Variants in SIPA1L2 observed in about 807,000 individuals in gnomAD.
SIPA1L2 encodes signal-induced proliferation-associated 1-like protein 2.
SIPA1L2 carries 56 observed loss-of-function variants against 163.9 expected under a neutral mutation model. The observed-to-expected ratio is 0.34, with a 90% CI of 0.28 to 0.43. SIPA1L2 has a LOEUF of 0.43. Among genes scored for constraint, SIPA1L2 ranks in the 20% least tolerant of loss-of-function variants. The pLI is 1.00. For synonymous variants in SIPA1L2, 877 were observed against 865.7 expected (o/e 1.01, Z -0.23); for missense variants, 1,974 against 2,193.5 (o/e 0.90, Z 2.00).
chr1:232,487,420 T>C (rs1261467229), intron 5 of SIPA1L2, among the ~76,000 whole-genome samples: 1 of 152,186 alleles, frequency 6.6e-6, no homozygotes, highest in Non-Finnish European at 1.5e-5. Flanking sequence ...GAAACAAATC[T>C]GATATTTGAG....
At chr1:232,621,433 T>C (rs1381250739) in intron 1 of SIPA1L2, among the ~76,000 whole-genome samples, 1 of 152,156 alleles carries the variant, frequency 6.6e-6, no homozygotes, top group Non-Finnish European at 1.5e-5. Flanking sequence ...AAACCTACCA[T>C]ACCTTACAAG....
intron 2 of SIPA1L2, among the ~76,000 whole-genome samples, chr1:232,556,508 C>T (rs774124305): frequency 7.2e-5 from 11 of 152,094 alleles, no homozygotes; most frequent in Non-Finnish European, 1.3e-4. Context: ...ACAAAATCCA[C>T]GCAATTCAAA....
At chr1:232,581,793 T>C (rs1386402024) in intron 1 of SIPA1L2, among the ~76,000 whole-genome samples, 1 of 152,188 alleles carries the variant, frequency 6.6e-6, no homozygotes, top group African/African-American at 2.4e-5. Flanking sequence ...CCTCTGTCCC[T>C]TCTATCAAGA....
intron 14 of SIPA1L2, 116 bp downstream of exon 14, chr1:232,441,175 G>A (rs1446606983): frequency 1.4e-6 from 1 of 724,482 alleles, no homozygotes; most frequent in Non-Finnish European, 2.2e-6. Context: ...TCACCTCTAA[G>A]AGCCCTGTGA....
intron 6 of SIPA1L2, among the ~76,000 whole-genome samples, chr1:232,483,352 C>T (rs757254593): frequency 1.1e-4 from 16 of 151,850 alleles, no homozygotes; most frequent in Non-Finnish European, 1.6e-4. Context: ...TGTTCCACCT[C>T]CCTGGTTAAC....
chr1:232,415,465 G>T, intron 19 of SIPA1L2, 29 bp downstream of exon 19: 1 of 1,586,778 alleles, frequency 6.3e-7, no homozygotes, highest in Middle Eastern at 1.8e-4. Flanking sequence ...CAGGGTAAGG[G>T]GTGAGGCCAG....
At chr1:232,442,201 C>T (rs1003345774) in intron 12 of SIPA1L2, among the ~76,000 whole-genome samples, 13 of 151,464 alleles carry the variant, frequency 8.6e-5, no homozygotes. Flanking sequence ...CGCATTTTTA[C>T]GTTACGCTTA....
At chr1:232,605,772 A>C (rs1338331214) in intron 1 of SIPA1L2, among the ~76,000 whole-genome samples, 1 of 152,224 alleles carries the variant, frequency 6.6e-6, no homozygotes. Flanking sequence ...CACTAAAATT[A>C]TACTGGCTTG....
At chr1:232,554,784 T>G (rs1256897011) in intron 2 of SIPA1L2, among the ~76,000 whole-genome samples, 1 of 152,244 alleles carries the variant, frequency 6.6e-6, no homozygotes, top group Non-Finnish European at 1.5e-5. Context: ...CGGAGTTTCT[T>G]GGTTTAATTT....
At chr1:232,438,131 T>C (rs1366807196) in intron 15 of SIPA1L2, among the ~76,000 whole-genome samples, 1 of 152,078 alleles carries the variant, frequency 6.6e-6, no homozygotes, top group Non-Finnish European at 1.5e-5. Flanking sequence ...GGGGGGACTT[T>C]GAAGGGGAGC....
At chr1:232,581,668 C>G (rs951464640) in intron 1 of SIPA1L2, among the ~76,000 whole-genome samples, 5 of 152,078 alleles carry the variant, frequency 3.3e-5, no homozygotes, top group Admixed American at 3.3e-4. Context: ...TCAAAATAAC[C>G]TTCAAATAAT....
intron 7 of SIPA1L2, 62 bp from the exon 8 acceptor site, chr1:232,471,590 A>T: frequency 7.6e-7 from 1 of 1,319,414 alleles, no homozygotes; most frequent in Non-Finnish European, 1.0e-6. Context: ...TATATATATA[A>T]TTCACTCATC....
chr1:232,517,988 G>A (rs2025726), intron 2 of SIPA1L2, among the ~76,000 whole-genome samples: 130,568 of 152,206 alleles, frequency 0.86, 56,845 homozygotes, highest in Non-Finnish European at 0.93. Flanking sequence ...TAGAGGTAGC[G>A]GTGAGCTATG....
At chr1:232,530,481 A>G (rs1390047385) in intron 2 of SIPA1L2, among the ~76,000 whole-genome samples, 1 of 152,124 alleles carries the variant, frequency 6.6e-6, no homozygotes, top group African/African-American at 2.4e-5. Flanking sequence ...CTTTAAGCAC[A>G]TGCCTGAGGC....
At position 232,515,329 on chromosome 1, in the gene SIPA1L2, G is replaced by A; in HGVS notation, c.11C>T (p.Pro4Leu). MSD[P>L]RQSQEEKHKL... ...GTGCTTCTCTTCTTGTGACTGCCTTGGGTCACTCATGTCTACCGAGGAAGA... is the reference window on the plus strand; with the variant it reads ...GTGCTTCTCTTCTTGTGACTGCCTTAGGTCACTCATGTCTACCGAGGAAGA... Residue 4 changes from proline (P) to leucine (L), a missense_variant, in exon 3 of 23, where the codon CCA becomes CTA. By Grantham distance (98) the Pro-to-Leu change is moderately conservative (BLOSUM62 -3). Coordinates refer to ENST00000674635, the MANE Select transcript of SIPA1L2 (RefSeq NM_020808.5). The A allele has an allele frequency of 6.3e-7, 1 of 1,593,494 alleles. No individual in the cohort carries two copies. The highest frequency in any genetic ancestry group is 8.6e-7 in the Non-Finnish European group (1 of 1,168,888).
At chr1:232,538,024 C>T (rs1437903903) in intron 2 of SIPA1L2, among the ~76,000 whole-genome samples, 1 of 152,206 alleles carries the variant, frequency 6.6e-6, no homozygotes. Flanking sequence ...TTATCTGTGA[C>T]AATCTCCCAG....
At chr1:232,498,472 C>A (rs1422992132) in intron 3 of SIPA1L2, among the ~76,000 whole-genome samples, 1 of 152,216 alleles carries the variant, frequency 6.6e-6, no homozygotes, top group Non-Finnish European at 1.5e-5. Context: ...AAACTTCTGG[C>A]TTAAAACAAC....
At chr1:232,471,549 A>C (rs374367135) in intron 7 of SIPA1L2, 21 bp from the exon 8 acceptor site, 124 of 1,572,838 alleles carry the variant, frequency 7.9e-5, no homozygotes, top group Non-Finnish European at 9.9e-5. Flanking sequence ...GAAAGTGAAG[A>C]GTTACAAATA....
intron 1 of SIPA1L2, among the ~76,000 whole-genome samples, chr1:232,622,148 A>T (rs1662842696): frequency 6.6e-6 from 1 of 152,244 alleles, no homozygotes; most frequent in Non-Finnish European, 1.5e-5. Flanking sequence ...TGCTTACAGC[A>T]CTTATCACAG....
Sources: allele counts gnomAD v4.1 joint callset (sites outside exome capture counted in the v4.1 genomes callset), GRCh38; gene constraint gnomAD v4.1.1; transcripts MANE v1.5; gene names NCBI Gene and HGNC (gene_info 2026-07-23, HGNC 2026-07-21).